Variants in CD53 observed in about 807,000 individuals in gnomAD.
The protein encoded by CD53 is CD53 molecule.
A neutral mutation model predicts 27.3 loss-of-function variants in CD53; 20 were observed. That is an observed-to-expected ratio of 0.73 (90% CI 0.52 to 1.07). The LOEUF is 1.07. CD53 is among the 50% of genes least tolerant of loss of function. The pLI, the probability that CD53 is intolerant of heterozygous loss-of-function variation, is 0.00. For missense variants in CD53, 216 were observed against 264.0 expected (o/e 0.82, Z 1.26); for synonymous variants, 106 against 105.3 (o/e 1.01, Z -0.04).
Position 110,899,222 on chromosome 1 carries a change from CT to C in CD53, c.*29del. On this transcript the variant is annotated 3_prime_UTR_variant, in exon 8 of 8. Coordinates refer to ENST00000271324, the MANE Select transcript of CD53 (RefSeq NM_000560.4). Reference sequence around the variant, plus strand: ...CTGCAGTAGTCCTGTGGTGAAGAGACTTGTTTCATCTCCGGAAATGCAAAAC... The same window carrying C: ...CTGCAGTAGTCCTGTGGTGAAGAGACTGTTTCATCTCCGGAAATGCAAAAC... 1 of 1,530,760 alleles carries C rather than the reference CT, an allele frequency of 6.5e-7. No individual in the cohort carries two copies. Among genetic ancestry groups the C allele is most frequent in the Non-Finnish European group, 9.1e-7 (1 of 1,103,694 alleles). 94.8% of individuals were successfully genotyped at this position (1,530,760 alleles called of 1,614,324 possible). A position where few individuals can be genotyped will look rare whatever the true frequency, so the allele number is the denominator to read the frequency against.
intron 1 of CD53, among the ~76,000 whole-genome samples, chr1:110,889,450 C>A (rs773653887): frequency 6.6e-6 from 1 of 151,862 alleles, no homozygotes; most frequent in Non-Finnish European, 1.5e-5. Flanking sequence ...CCCAGCTACT[C>A]GGGAGGCTGA....
upstream of CD53, among the ~76,000 whole-genome samples, chr1:110,872,003 T>C (rs1045731481): frequency 1.3e-5 from 2 of 152,212 alleles, no homozygotes; most frequent in African/African-American, 4.8e-5. Context: ...GAGATTACTC[T>C]GGATCTGAAT....
chr1:110,888,413 CTG>C (rs1188918538), intron 1 of CD53, among the ~76,000 whole-genome samples: 2 of 152,318 alleles, frequency 1.3e-5, no homozygotes, highest in East Asian at 3.9e-4. Flanking sequence ...GGTTTGGAAA[CTG>C]TCTGTGAATA....
chr1:110,891,570 C>A, intron 2 of CD53, 99 bp downstream of exon 2: 1 of 873,536 alleles, frequency 1.1e-6, no homozygotes, highest in Non-Finnish European at 1.9e-6. Flanking sequence ...AAAATGCATG[C>A]GTGTTTGGGT....
intron 3 of CD53, 76 bp downstream of exon 3, chr1:110,892,609 A>G: frequency 1.7e-6 from 2 of 1,207,780 alleles, no homozygotes; most frequent in Admixed American, 1.9e-5. Context: ...GTTTCTTGGT[A>G]GATCACTTAT....
intron 1 of CD53, among the ~76,000 whole-genome samples, chr1:110,878,273 G>A (rs2101039451): frequency 6.6e-6 from 1 of 152,226 alleles, no homozygotes; most frequent in African/African-American, 2.4e-5. Flanking sequence ...CCCTCACTGG[G>A]GCAGATTTTC....
chr1:110,878,796 C>T (rs755812361), intron 1 of CD53, among the ~76,000 whole-genome samples: 1 of 152,130 alleles, frequency 6.6e-6, no homozygotes, highest in Admixed American at 6.5e-5. Context: ...TCCAACATGT[C>T]TTAACAGAGT....
chr1:110,896,226 G>A (rs904485499), intron 5 of CD53, among the ~76,000 whole-genome samples: 1 of 152,214 alleles, frequency 6.6e-6, no homozygotes, highest in Non-Finnish European at 1.5e-5. Context: ...TAAGCCCCAT[G>A]AACTTAAAAG....
intron 4 of CD53, 150 bp downstream of exon 4, chr1:110,894,551 G>GT: frequency 1.6e-6 from 1 of 609,530 alleles, no homozygotes; most frequent in Admixed American, 3.0e-5. Flanking sequence ...TTGTAATTGG[G>GT]GGGAAAATTT....
chr1:110,896,048 T>C (rs892027121), intron 5 of CD53, among the ~76,000 whole-genome samples: 1 of 152,236 alleles, frequency 6.6e-6, no homozygotes, highest in Non-Finnish European at 1.5e-5. Flanking sequence ...GTGTTTATAT[T>C]TGAATGATAG....
intron 1 of CD53, among the ~76,000 whole-genome samples, chr1:110,885,034 A>C (rs11102172): frequency 0.5 from 75,595 of 151,506 alleles, 19,765 homozygotes; most frequent in Non-Finnish European, 0.59. Context: ...ATTTGTTGTT[A>C]CCCCTTTTCT....
chr1:110,880,688 C>G (rs535280806), intron 1 of CD53, among the ~76,000 whole-genome samples: 15 of 152,276 alleles, frequency 9.9e-5, no homozygotes, highest in African/African-American at 3.6e-4. Flanking sequence ...CATGTTCATT[C>G]CACTACATCA....
At chr1:110,889,698 G>A (rs1468318598) in intron 1 of CD53, among the ~76,000 whole-genome samples, 3 of 152,110 alleles carry the variant, frequency 2.0e-5, no homozygotes, top group African/African-American at 7.2e-5. Flanking sequence ...GATAAGTGTT[G>A]GCCCGTTTTA....
intron 2 of CD53, among the ~76,000 whole-genome samples, chr1:110,892,071 C>G (rs570859949): frequency 6.6e-6 from 1 of 152,156 alleles, no homozygotes; most frequent in Middle Eastern, 3.2e-3. Context: ...GAAGTTAGAC[C>G]TATATATGGT....
chr1:110,889,270 T>C (rs998163840), intron 1 of CD53, among the ~76,000 whole-genome samples: 1 of 151,954 alleles, frequency 6.6e-6, no homozygotes, highest in African/African-American at 2.4e-5. Flanking sequence ...TAAGACTCAA[T>C]AATTGGCCGG....
chr1:110,896,801 C>CCT, intron 6 of CD53, 68 bp downstream of exon 6: 1 of 1,368,976 alleles, frequency 7.3e-7, no homozygotes, highest in Non-Finnish European at 1.0e-6. Flanking sequence ...TCGGAAACTG[C>CCT]AGTCATAGAG....
intron 3 of CD53, chr1:110,892,770 A>G: frequency 2.2e-6 from 1 of 454,680 alleles, no homozygotes. Context: ...TATTGCTAAT[A>G]ATGACTTTTG....
chr1:110,886,230 C>T (rs1174005704), intron 1 of CD53, among the ~76,000 whole-genome samples: 1 of 152,084 alleles, frequency 6.6e-6, no homozygotes, highest in Non-Finnish European at 1.5e-5. Flanking sequence ...CTTATCCTTA[C>T]AATTGTTCCT....
At chr1:110,882,805 G>A (rs1656410995) in intron 1 of CD53, among the ~76,000 whole-genome samples, 1 of 151,958 alleles carries the variant, frequency 6.6e-6, no homozygotes, top group Non-Finnish European at 1.5e-5. Context: ...TTATGCCTAA[G>A]TATTTCATAT....
Sources: gnomAD v4.1 joint callset for allele counts (sites outside exome capture counted in the v4.1 genomes callset) on GRCh38, gnomAD v4.1.1 for gene constraint, MANE v1.5 for transcripts, NCBI Gene and HGNC (gene_info 2026-07-23, HGNC 2026-07-21) for gene names.